ZNF469: variants seen among roughly 807,000 people sequenced by gnomAD.
The protein encoded by ZNF469 is zinc finger protein 469.
In ZNF469, 1 loss-of-function variant was observed where a neutral mutation model predicts 1.0. That is an observed-to-expected ratio of 1.00 (90% CI 0.35 to 4.73). The LOEUF (loss-of-function observed/expected upper bound fraction) is 4.73. ZNF469 is among the 30% of genes most tolerant of loss of function. The pLI is 0.16. For missense variants in ZNF469, 6,100 were observed against 5,356.3 expected, an observed-to-expected ratio of 1.14 and a Z score of -4.33; for synonymous variants, 2,703 against 2,363.4, an observed-to-expected ratio of 1.14 and a Z score of -4.17.
the ZNF469 span, among the ~76,000 whole-genome samples, chr16:88,349,498 C>T: frequency 6.7e-6 from 1 of 149,086 alleles, no homozygotes; most frequent in South Asian, 2.1e-4. Flanking sequence ...TACACAAGTA[C>T]ACACACACTC....
At position 88,428,219 on chromosome 16, in the gene ZNF469, T is replaced by C. The variant is rs764273631; in HGVS notation, c.749T>C (p.Val250Ala). The change falls in exon 3 of 3, where the codon GTT (valine) becomes GCT (alanine). Residue 250 changes from valine to alanine, a missense_variant. Transcript: ENST00000565624. ...AGCTTCCCAGGTGCTAATTTCGGGG[T>C]TCCCCCCGCCGAGCCGGAACCTATT... ...ENSFPGANFG[V>A]PPAEPEPIPK... 13 of 1,550,046 alleles carry C rather than the reference T, an allele frequency of 8.4e-6. 1 individual carries two copies. Among genetic ancestry groups the C allele is most frequent in the Middle Eastern group, 3.3e-4 (2 of 6,012 alleles).
At chr16:88,220,363 T>C in the ZNF469 span, among the ~76,000 whole-genome samples, 9 of 152,216 alleles carry the variant, frequency 5.9e-5, no homozygotes, top group Middle Eastern at 3.4e-3. Flanking sequence ...ATGGAGGAAG[T>C]CATGGAGGCC....
At chr16:88,245,050 G>A in the ZNF469 span, among the ~76,000 whole-genome samples, 159 of 152,150 alleles carry the variant, frequency 1.0e-3, no homozygotes, top group Non-Finnish European at 1.8e-3. Flanking sequence ...GGACACACCC[G>A]TAGGGCAAAG....
chr16:88,131,529 T>A, the ZNF469 span, among the ~76,000 whole-genome samples: 1,086 of 143,900 alleles, frequency 7.5e-3, no homozygotes, highest in African/African-American at 0.028. Flanking sequence ...CCAGGCCTTC[T>A]CCTAAACCAC....
the ZNF469 span, among the ~76,000 whole-genome samples, chr16:88,256,895 C>CTTCT: frequency 7.4e-4 from 38 of 51,460 alleles, no homozygotes; most frequent in African/African-American, 2.5e-3. Flanking sequence ...CTTTTCTTTC[C>CTTCT]TTCTTTCTTT....
the ZNF469 span, among the ~76,000 whole-genome samples, chr16:88,172,438 G>T: frequency 6.6e-6 from 1 of 152,266 alleles, no homozygotes; most frequent in East Asian, 1.9e-4. Context: ...AGGCTGTTTT[G>T]GACCCACCCT....
the ZNF469 span, among the ~76,000 whole-genome samples, chr16:88,254,711 T>C: frequency 6.6e-6 from 1 of 152,152 alleles, no homozygotes. Flanking sequence ...TGAGCCAAGA[T>C]TGCATCATTG....
chr16:88,397,359 C>G (rs1354010128), intron 1 of ZNF469, among the ~76,000 whole-genome samples: 2 of 152,220 alleles, frequency 1.3e-5, no homozygotes, highest in Non-Finnish European at 1.5e-5. Context: ...GGGCTTGTGG[C>G]CTGGGAGTGC....
chr16:88,252,714 C>T, the ZNF469 span, among the ~76,000 whole-genome samples: 3 of 152,152 alleles, frequency 2.0e-5, no homozygotes, highest in African/African-American at 7.2e-5. Flanking sequence ...GTGTGTATTA[C>T]TGAAGCATAA....
chr16:88,176,986 G>C, the ZNF469 span, among the ~76,000 whole-genome samples: 1 of 152,260 alleles, frequency 6.6e-6, no homozygotes, highest in African/African-American at 2.4e-5. Flanking sequence ...AGCCTCATCC[G>C]GGAATGGGAT....
chr16:88,402,651 C>T (rs966375382), intron 1 of ZNF469, among the ~76,000 whole-genome samples: 9 of 152,154 alleles, frequency 5.9e-5, no homozygotes, highest in African/African-American at 1.9e-4. Flanking sequence ...GGGCCTCCAC[C>T]GTCACCTGCT....
At chr16:88,126,868 G>A in the ZNF469 span, among the ~76,000 whole-genome samples, 2 of 152,012 alleles carry the variant, frequency 1.3e-5, no homozygotes, top group African/African-American at 2.4e-5. Context: ...TGGCCAGGCT[G>A]GAGTGCAGTG....
chr16:88,241,719 C>G, the ZNF469 span, among the ~76,000 whole-genome samples: 5 of 152,324 alleles, frequency 3.3e-5, no homozygotes, highest in East Asian at 1.9e-4. The surrounding 1 kb of genome is among the most constrained non-coding windows in gnomAD (Gnocchi z 4.8). Context: ...ACCATGCACA[C>G]TGGAACATGG....
intron 1 of ZNF469, among the ~76,000 whole-genome samples, chr16:88,410,630 G>A (rs965191731): frequency 1.8e-4 from 26 of 147,658 alleles, no homozygotes; most frequent in African/African-American, 5.8e-4. Flanking sequence ...CACAGTTCAC[G>A]GTGACGTCTA....
the ZNF469 span, among the ~76,000 whole-genome samples, chr16:88,318,818 C>T: frequency 6.6e-6 from 1 of 152,372 alleles, no homozygotes; most frequent in Admixed American, 6.5e-5. Flanking sequence ...CCGAACAGCG[C>T]GTGCAAGGGG....
chr16:88,242,462 C>A, the ZNF469 span, among the ~76,000 whole-genome samples: 1 of 152,174 alleles, frequency 6.6e-6, no homozygotes, highest in Non-Finnish European at 1.5e-5. Flanking sequence ...CATCTATGTC[C>A]TAATCTTCTC....
At chr16:88,185,144 C>T in the ZNF469 span, among the ~76,000 whole-genome samples, 2 of 38,024 alleles carry the variant, frequency 5.3e-5, no homozygotes, top group Non-Finnish European at 1.8e-4. Flanking sequence ...CACCCATGTG[C>T]ACACTCACAC....
At chr16:88,214,946 A>G in the ZNF469 span, among the ~76,000 whole-genome samples, 1 of 152,062 alleles carries the variant, frequency 6.6e-6, no homozygotes, top group Non-Finnish European at 1.5e-5. Flanking sequence ...TGGTGGATTG[A>G]CCACTTTATC....
At chr16:88,222,513 C>T in the ZNF469 span, among the ~76,000 whole-genome samples, 5 of 152,160 alleles carry the variant, frequency 3.3e-5, no homozygotes, top group Non-Finnish European at 7.3e-5. Context: ...ATCCCAGCAC[C>T]ATGGGAGGCC....
Sources: gnomAD v4.1 joint callset for allele counts (sites outside exome capture counted in the v4.1 genomes callset) on GRCh38, gnomAD v4.1.1 for gene constraint, Gnocchi (gnomAD v3.1) non-coding constraint, MANE v1.5 for transcripts, NCBI Gene and HGNC (gene_info 2026-07-23, HGNC 2026-07-21) for gene names.